TANC2: variants seen among roughly 807,000 people sequenced by gnomAD.
TANC2 encodes tetratricopeptide repeat, ankyrin repeat and coiled-coil containing 2.
A neutral mutation model predicts 210.5 loss-of-function variants in TANC2; 26 were observed. That is an observed-to-expected ratio of 0.12 (90% CI 0.09 to 0.17). The LOEUF (loss-of-function observed/expected upper bound fraction) is 0.17, where lower values mean the gene tolerates loss of function less well. TANC2 is among the 10% of genes least tolerant of loss of function. TANC2 has a pLI of 1.00. For synonymous variants in TANC2, 931 were observed against 967.1 expected, an observed-to-expected ratio of 0.96 and a Z score of 0.69; for missense variants, 2,129 against 2,608.9, an observed-to-expected ratio of 0.82 and a Z score of 4.01.
intron 5 of TANC2, among the ~76,000 whole-genome samples, chr17:63,176,809 A>C (rs1409753767): frequency 1.4e-5 from 2 of 147,302 alleles, no homozygotes; most frequent in Non-Finnish European, 3.0e-5. Context: ...CCATCTCAAA[A>C]AAAAAAAAAA....
At chr17:63,348,314 A>G (rs935074727) in intron 12 of TANC2, among the ~76,000 whole-genome samples, 3 of 152,212 alleles carry the variant, frequency 2.0e-5, no homozygotes, top group African/African-American at 7.2e-5. Context: ...CAATGGAACT[A>G]CTAAGGAAGA....
exon 16 of TANC2, chr17:63,388,694 T>C (rs753042732): frequency 1.4e-5 from 22 of 1,604,946 alleles, no homozygotes; most frequent in African/African-American, 4.0e-5. Flanking sequence ...GGATCTCTTA[T>C]AGCACAGAAG....
chr17:63,220,834 AT>A lies in TANC2; in HGVS notation c.770-16979del, dbSNP rs1482759471. On this transcript the variant is annotated intron_variant, in intron 7 of 27. Transcript: ENST00000689528. The stretch of plus-strand genomic sequence containing the variant: ...TATGTATATATACGTGTATATGTAT[AT>A]ATGTGTGTATATACGTATATACGTA... 2.0e-5 allele frequency among the ~76,000 whole-genome samples: 3 copies of A among 149,270 alleles called. No homozygotes were observed. In the East Asian group the frequency reaches 5.8e-4, roughly 29 times the overall value.
intron 10 of TANC2, among the ~76,000 whole-genome samples, chr17:63,318,657 C>G (rs551981351): frequency 6.6e-6 from 1 of 152,162 alleles, no homozygotes; most frequent in South Asian, 2.1e-4. Context: ...GGTTTATCCC[C>G]GTTCTAGCAT....
chr17:62,985,511 T>C (rs2032524673), intron 1 of TANC2, among the ~76,000 whole-genome samples: 1 of 152,176 alleles, frequency 6.6e-6, no homozygotes, highest in Admixed American at 6.5e-5. Context: ...TATGCTAATA[T>C]TTGCTCACTT....
At chr17:63,022,722 A>G (rs1304914890) in intron 2 of TANC2, among the ~76,000 whole-genome samples, 1 of 152,156 alleles carries the variant, frequency 6.6e-6, no homozygotes, top group Non-Finnish European at 1.5e-5. Context: ...TGAGGAGGGC[A>G]GAATGGCTTT....
intron 5 of TANC2, among the ~76,000 whole-genome samples, chr17:63,170,092 T>C (rs1369297177): frequency 7.1e-6 from 1 of 140,288 alleles, no homozygotes; most frequent in Non-Finnish European, 1.5e-5. Context: ...GCACTCCAAC[T>C]GCACTCCAGC....
intron 2 of TANC2, among the ~76,000 whole-genome samples, chr17:63,059,075 G>A (rs998919615): frequency 4.6e-5 from 7 of 152,150 alleles, no homozygotes; most frequent in South Asian, 2.1e-4. Context: ...CCATGAGCCC[G>A]GGGTGTTTTT....
intron 8 of TANC2, among the ~76,000 whole-genome samples, chr17:63,240,183 C>G (rs2042736679): frequency 6.6e-6 from 1 of 152,156 alleles, no homozygotes; most frequent in South Asian, 2.1e-4. Context: ...ATGTAACTAC[C>G]AACCATAATA....
intron 2 of TANC2, among the ~76,000 whole-genome samples, chr17:63,055,832 A>T (rs1452524859): frequency 6.7e-6 from 1 of 150,126 alleles, no homozygotes; most frequent in Non-Finnish European, 1.5e-5. Flanking sequence ...TTCTATGAGG[A>T]TACCACAACC....
At chr17:63,194,083 G>A in exon 6 of TANC2, 1 of 1,613,424 alleles carries the variant, frequency 6.2e-7, no homozygotes, top group Non-Finnish European at 8.5e-7. Context: ...TGGAGAGAAA[G>A]TCACAGAAGT....
At chr17:63,213,912 C>A (rs1355051383) in intron 7 of TANC2, among the ~76,000 whole-genome samples, 1 of 152,024 alleles carries the variant, frequency 6.6e-6, no homozygotes, top group Non-Finnish European at 1.5e-5. Flanking sequence ...GAAAACAGAG[C>A]CTGAGACAAA....
At position 63,358,379 on chromosome 17, in the gene TANC2, A is replaced by ATGTGTGTGTGTGTGTG. The variant is rs375498280; in HGVS notation, c.2582+3007_2582+3022dup. Among the ~76,000 whole-genome samples the ATGTGTGTGTGTGTGTG allele has an allele frequency of 1.2e-3, 172 of 139,556 alleles. 1 individual carries two copies. The highest frequency in any genetic ancestry group is 2.9e-3 in the African/African-American group (103 of 36,138). 91.6% of individuals were successfully genotyped at this position (139,556 alleles called of 152,430 possible). On this transcript the variant is annotated intron_variant, in intron 14 of 27. Transcript: ENST00000689528. Reference sequence around the variant, plus strand: ...AGAGAGAGAGAGAGAGAGAGAGAGTATGTGTGTGTGTGTGTGTGTGTGTGT... The same window carrying ATGTGTGTGTGTGTGTG: ...AGAGAGAGAGAGAGAGAGAGAGAGTATGTGTGTGTGTGTGTGTGTGTGTGTGTGTGTGTGTGTGTGT...
intron 13 of TANC2, among the ~76,000 whole-genome samples, chr17:63,354,338 T>C (rs1423462127): frequency 6.6e-6 from 1 of 152,222 alleles, no homozygotes; most frequent in Non-Finnish European, 1.5e-5. Flanking sequence ...TGGGAAATTT[T>C]TTTTTAAATA....
intron 8 of TANC2, among the ~76,000 whole-genome samples, chr17:63,238,463 ATC>A (rs567372035): frequency 5.3e-5 from 8 of 152,320 alleles, no homozygotes; most frequent in African/African-American, 1.9e-4. Flanking sequence ...AAATTGGCAT[ATC>A]TCAGTGTAAT....
rs191230354 is a variant in TANC2 at position 63,018,216 on chromosome 17, C to T, written c.67+8590C>T. Among the ~76,000 whole-genome samples the T allele has an allele frequency of 1.2e-3, 188 of 152,186 alleles. 1 individual carries two copies. Among genetic ancestry groups the T allele is most frequent in the African/African-American group, 4.3e-3 (180 of 41,534 alleles). The stretch of plus-strand genomic sequence containing the variant: ...CCTGCAGTTGTAAGGAATAGCCAGG[C>T]GCCGTGGCTCATGCCTGTAATCCCA... On this transcript the variant is annotated intron_variant, in intron 2 of 27. Coordinates refer to ENST00000689528, the Ensembl canonical transcript of TANC2.
intron 3 of TANC2, among the ~76,000 whole-genome samples, chr17:63,075,288 TA>T (rs1022460001): frequency 1.8e-4 from 27 of 152,210 alleles, no homozygotes; most frequent in East Asian, 1.7e-3. Flanking sequence ...ATCACTTATC[TA>T]ATTTACTCTG....
At chr17:63,246,020 A>AT (rs1294524967) in intron 8 of TANC2, among the ~76,000 whole-genome samples, 1 of 151,906 alleles carries the variant, frequency 6.6e-6, no homozygotes, top group East Asian at 1.9e-4. Flanking sequence ...AAAAAAAAAA[A>AT]AAAAATTATA....
intron 3 of TANC2, among the ~76,000 whole-genome samples, chr17:63,077,641 A>T (rs898535151): frequency 1.3e-5 from 2 of 152,216 alleles, no homozygotes; most frequent in African/African-American, 4.8e-5. Context: ...AATAGTAAGC[A>T]AAAGAAAGTT....
Sources: gnomAD v4.1 joint callset for allele counts (sites outside exome capture counted in the v4.1 genomes callset) on GRCh38, gnomAD v4.1.1 for gene constraint, MANE v1.5 for transcripts, NCBI Gene and HGNC (gene_info 2026-07-23, HGNC 2026-07-21) for gene names.